AFF1: variants seen among roughly 807,000 people sequenced by gnomAD.
The protein encoded by AFF1 is ALF transcription elongation factor 1.
AFF1 carries 48 observed loss-of-function variants against 121.7 expected under a neutral mutation model. The observed-to-expected ratio is 0.39, with a 90% CI of 0.31 to 0.50. AFF1 has a LOEUF of 0.50. Among genes scored for constraint, AFF1 ranks in the 20% least tolerant of loss-of-function variants. The pLI, the probability that AFF1 is intolerant of heterozygous loss-of-function variation, is 0.76. For missense variants in AFF1, 1,523 were observed against 1,511.7 expected (o/e 1.01, Z -0.12); for synonymous variants, 613 against 563.0 (o/e 1.09, Z -1.26).
intron 2 of AFF1, among the ~76,000 whole-genome samples, chr4:87,044,720 T>C (rs981291462): frequency 6.6e-6 from 1 of 152,158 alleles, no homozygotes; most frequent in Non-Finnish European, 1.5e-5. Flanking sequence ...GGAAGCTGGC[T>C]CTGGAAGAAT....
At position 87,114,580 on chromosome 4, in the gene AFF1, GAA is replaced by G; in HGVS notation, c.1748_1749del (p.Glu583GlyfsTer92). 2 of 392,376 alleles carry G rather than the reference GAA, an allele frequency of 5.1e-6. No homozygotes were observed. The highest frequency in any genetic ancestry group is 8.1e-6 in the Non-Finnish European group (2 of 246,300). 24.3% of individuals were successfully genotyped at this position (392,376 alleles called of 1,614,324 possible). On this transcript the variant is annotated frameshift_variant, in exon 12 of 21. Coordinates refer to ENST00000395146, the MANE Select transcript of AFF1 (RefSeq NM_001166693.3). LOFTEE classifies it high-confidence loss of function. ...CAGCAAAGCCCCCCGGGCCCCACCC[GAA>G]GCCCCCCACCCCGGAAAGAGGAGCT... Reference protein sequence around the residue: ...SSSKAPRAPPEAPHPGKRSCQ... With the variant: ...SSSKAPRAPPXAPHPGKRSCQ...
At chr4:86,943,883 AC>A in intron 1 of AFF1, among the ~76,000 whole-genome samples, 1 of 151,870 alleles carries the variant, frequency 6.6e-6, no homozygotes, top group Non-Finnish European at 1.5e-5. Context: ...AATCGCTTGA[AC>A]CCTGAAGCGG....
intron 8 of AFF1, among the ~76,000 whole-genome samples, chr4:87,098,255 G>A (rs1238438232): frequency 6.6e-6 from 1 of 152,190 alleles, no homozygotes; most frequent in Non-Finnish European, 1.5e-5. Context: ...TAATGGTTCA[G>A]CATGTAGTTT....
At chr4:87,113,209 C>A (rs1049163214) in intron 11 of AFF1, among the ~76,000 whole-genome samples, 2 of 152,174 alleles carry the variant, frequency 1.3e-5, no homozygotes, top group East Asian at 3.9e-4. Flanking sequence ...TTGCCCCTGA[C>A]GGTATGCCTC....
At chr4:87,103,047 T>A (rs1443295564) in intron 8 of AFF1, among the ~76,000 whole-genome samples, 3 of 152,250 alleles carry the variant, frequency 2.0e-5, no homozygotes, top group Non-Finnish European at 4.4e-5. Flanking sequence ...TTCAGCTACA[T>A]AGATTTTCTG....
At position 87,136,863 on chromosome 4, in the gene AFF1, G is replaced by A. The variant is rs909132956; in HGVS notation, c.*1162G>A. On this transcript the variant is annotated 3_prime_UTR_variant, in exon 21 of 21. Transcript: ENST00000395146. The stretch of plus-strand genomic sequence containing the variant: ...TCTAGGGGAAGTTAACTCCCTGAGA[G>A]GATGTAGAGATTTGGGGTGGTTGAT... 1.4e-4 allele frequency: 32 copies of A among 221,406 alleles called. No homozygotes were observed. Among genetic ancestry groups the A allele is most frequent in the African/African-American group, 7.1e-4 (32 of 44,802 alleles). 13.7% of individuals were successfully genotyped at this position (221,406 alleles called of 1,614,324 possible). A position where few individuals can be genotyped will look rare whatever the true frequency, so the allele number is the denominator to read the frequency against.
chr4:86,945,011 G>A (rs943963467), intron 1 of AFF1, among the ~76,000 whole-genome samples: 2 of 152,240 alleles, frequency 1.3e-5, no homozygotes, highest in Non-Finnish European at 2.9e-5. Flanking sequence ...AGATAGTAAT[G>A]TACATTCCTG....
chr4:86,998,322 C>T (rs1156407824), intron 2 of AFF1, among the ~76,000 whole-genome samples: 1 of 152,106 alleles, frequency 6.6e-6, no homozygotes, highest in African/African-American at 2.4e-5. Context: ...GAAGAAAGAG[C>T]ATTCTTGCAT....
At chr4:87,052,387 T>C (rs1258090493) in intron 4 of AFF1, among the ~76,000 whole-genome samples, 1 of 152,240 alleles carries the variant, frequency 6.6e-6, no homozygotes, top group South Asian at 2.1e-4. Context: ...AACTCCAGCC[T>C]GAGCGACAGT....
chr4:87,126,536 T>C (rs1728267735), intron 14 of AFF1, among the ~76,000 whole-genome samples, 200 bp downstream of exon 14: 1 of 152,238 alleles, frequency 6.6e-6, no homozygotes, highest in Non-Finnish European at 1.5e-5. Flanking sequence ...TGTCGATTTA[T>C]TCTTCTTACA....
rs577136515 is a variant in AFF1, at chr4:87,133,118, CAAG to C, written c.3311+713_3311+715del. 1.8e-4 allele frequency among the ~76,000 whole-genome samples: 27 copies of C among 152,316 alleles called. No homozygotes were observed. The East Asian group carries it at 4.8e-3, about 27-fold the overall frequency. ...CATAGCTTCTTGGCATTTCAGTAAACAAGAAATTTCCAGAGCCATATGCCACAC... is the reference window on the plus strand; with the variant it reads ...CATAGCTTCTTGGCATTTCAGTAAACAAATTTCCAGAGCCATATGCCACAC... On this transcript the variant is annotated intron_variant, in intron 19 of 20. Transcript: ENST00000395146.
intron 2 of AFF1, among the ~76,000 whole-genome samples, chr4:86,984,515 G>T (rs901667813): frequency 2.0e-5 from 3 of 151,942 alleles, no homozygotes; most frequent in African/African-American, 7.3e-5. Flanking sequence ...GTAGAGACAG[G>T]GTTTCACCGT....
At position 87,125,100 on chromosome 4, in the gene AFF1, T is replaced by A; in HGVS notation, c.2530T>A (p.Ser844Thr). 1 of 1,609,356 alleles carries A rather than the reference T, an allele frequency of 6.2e-7. No individual in the cohort carries two copies. Among genetic ancestry groups the A allele is most frequent in the Non-Finnish European group, 8.5e-7 (1 of 1,177,148 alleles). ...ACTGGAGAAGGAAATCAAATCACAG[T>A]CATCTTCATCTTCATCCTCCCACAA... The part of the protein sequence containing the change: ...IRLEKEIKSQ[S>T]SSSSSSHKES... Residue 844 changes from serine to threonine, a missense_variant, in exon 13 of 21, where the codon TCA becomes ACA. Transcript: ENST00000395146.
intron 2 of AFF1, among the ~76,000 whole-genome samples, chr4:87,017,071 ATG>A (rs70953640): frequency 3.9e-5 from 4 of 102,566 alleles, no homozygotes; most frequent in African/African-American, 8.5e-5. Context: ...ACATATATAT[ATG>A]TGTGTGTGTG....
At chr4:87,123,770 T>C (rs752013178) in intron 12 of AFF1, among the ~76,000 whole-genome samples, 8 of 152,188 alleles carry the variant, frequency 5.3e-5, no homozygotes, top group Non-Finnish European at 1.5e-5. Flanking sequence ...TCTTAAATTA[T>C]TCATTTTTCT....
At chr4:86,971,225 T>A (rs904541113) in intron 2 of AFF1, among the ~76,000 whole-genome samples, 6 of 152,166 alleles carry the variant, frequency 3.9e-5, no homozygotes, top group Non-Finnish European at 8.8e-5. Context: ...AGGTCCTGAG[T>A]TTTCCCAGTG....
Position 87,114,954 on chromosome 4 carries a change from C to T in AFF1, c.2121C>T (p.His707=), listed in dbSNP as rs913896807. The T allele has an allele frequency of 1.2e-6, 2 of 1,612,976 alleles. No individual in the cohort carries two copies. Among genetic ancestry groups the T allele is most frequent in the Middle Eastern group, 1.6e-4 (1 of 6,076 alleles). Residue 707 remains histidine, a synonymous_variant, in exon 12 of 21, where the codon CAC becomes CAT. Transcript: ENST00000395146. ...ATGTGGAGGACAGGACCCCTGAGCA[C>T]TTTGCTCTTGTTCCCCTGACTGAGA... is the stretch of plus-strand genomic sequence containing the variant. The part of the protein sequence containing the change: ...KDNVEDRTPE[H]FALVPLTESQ...
At chr4:87,039,294 C>G (rs748728090) in intron 2 of AFF1, among the ~76,000 whole-genome samples, 1 of 152,178 alleles carries the variant, frequency 6.6e-6, no homozygotes, top group African/African-American at 2.4e-5. Context: ...ATCCCTACCC[C>G]CAAGAAGCAT....
chr4:87,073,500 C>A (rs1722338990), intron 4 of AFF1, among the ~76,000 whole-genome samples: 1 of 151,946 alleles, frequency 6.6e-6, no homozygotes, highest in South Asian at 2.1e-4. Context: ...CTTTTTTCCC[C>A]CGTTTTTTTT....
Sources: allele counts gnomAD v4.1 joint callset (sites outside exome capture counted in the v4.1 genomes callset), GRCh38; gene constraint gnomAD v4.1.1; transcripts MANE v1.5; gene names NCBI Gene and HGNC (gene_info 2026-07-23, HGNC 2026-07-21).